Variants in NAGK observed in about 807,000 individuals in gnomAD.
NAGK encodes N-acetylglucosamine kinase, also known as N-acetyl-D-glucosamine kinase.
Under a neutral mutation model 42.9 loss-of-function variants are expected in NAGK, and 35 were observed. The ratio of observed to expected loss-of-function variants is 0.82; its 90% CI spans 0.62 to 1.08. The LOEUF (loss-of-function observed/expected upper bound fraction) is 1.08. NAGK is among the 50% of genes least tolerant of loss of function. NAGK has a pLI of 0.00. For synonymous variants in NAGK, 172 were observed against 176.0 expected (o/e 0.98, Z 0.18); for missense variants, 446 against 446.0 (o/e 1.00, Z 0.00).
chr2:71,073,316 A>G (rs1208113151), intron 5 of NAGK, 166 bp from the exon 6 acceptor site: 1 of 544,860 alleles, frequency 1.8e-6, no homozygotes, highest in Admixed American at 2.7e-5. Flanking sequence ...TTTGATAGAG[A>G]CCCTCCCACC....
intron 4 of NAGK, among the ~76,000 whole-genome samples, chr2:71,072,081 G>A (rs113738262): frequency 1.3e-5 from 2 of 152,292 alleles, no homozygotes; most frequent in African/African-American, 4.8e-5. Flanking sequence ...CCACCTGGGG[G>A]CGGTGTAGTG....
At position 71,078,237 on chromosome 2, in the gene NAGK, C is replaced by G; in HGVS notation, c.845-81C>G. On this transcript the variant is annotated intron_variant, in intron 9 of 9. Transcript: ENST00000244204. ...CTACAGGAGTACCTCAGGGTCTGGG[C>G]GTCCTTGTCTGTCTTCCTTCCTGGC... 5 of 1,412,242 alleles carry G rather than the reference C, an allele frequency of 3.5e-6. No individual in the cohort carries two copies. In the South Asian group the frequency reaches 6.0e-5, roughly 17 times the overall value. The allele number at this position is 1,412,242 out of a possible 1,614,324, so 87.5% of individuals were successfully genotyped here.
rs1238382675 is a variant in NAGK at position 71,073,612 on chromosome 2, A to G, written c.579+18A>G. 1 of 1,578,504 alleles carries G rather than the reference A, an allele frequency of 6.3e-7. No homozygotes were observed. Among genetic ancestry groups the G allele is most frequent in the East Asian group, 2.2e-5 (1 of 44,718 alleles). ...ATTTCCAGGTACTCCTCCTGCTCCC[A>G]GTAAACATGCGCACCTGGGGTAGGG... On this transcript the variant is annotated intron_variant, in intron 6 of 9. Transcript: ENST00000244204.
chr2:71,068,960 C>T, intron 1 of NAGK: 2 of 1,262,976 alleles, frequency 1.6e-6, no homozygotes, highest in Non-Finnish European at 2.0e-6. Context: ...GGAACCACGC[C>T]CCTTTCTTCC....
chr2:71,075,667 T>C (rs777015992), intron 7 of NAGK, 25 bp downstream of exon 7: 1 of 1,587,738 alleles, frequency 6.3e-7, no homozygotes, highest in South Asian at 1.1e-5. Flanking sequence ...GGGTGGGTTT[T>C]ATCTGGCTTT....
intron 7 of NAGK, chr2:71,076,350 T>G (rs1401709055): frequency 2.5e-6 from 1 of 394,584 alleles, no homozygotes; most frequent in East Asian, 5.4e-5. Flanking sequence ...TAGTGGGTGC[T>G]GCCCTCCCTT....
chr2:71,076,861 G>GTTCT (rs1260606440), intron 8 of NAGK, among the ~76,000 whole-genome samples, 160 bp downstream of exon 8: 3 of 152,132 alleles, frequency 2.0e-5, no homozygotes, highest in African/African-American at 7.2e-5. Flanking sequence ...TAACAAAAAA[G>GTTCT]TTCTTTGGTC....
At chr2:71,071,571 G>T in intron 3 of NAGK, 115 bp from the exon 4 acceptor site, 1 of 1,389,226 alleles carries the variant, frequency 7.2e-7, no homozygotes, top group South Asian at 1.5e-5. Flanking sequence ...GGGGCTGGGT[G>T]AACAGGGTAT....
Position 71,078,450 on chromosome 2 carries a change from T to A in NAGK, c.977T>A (p.Leu326His). 1.2e-6 allele frequency: 2 copies of A among 1,612,124 alleles called. No individual in the cohort carries two copies. The highest frequency in any genetic ancestry group is 8.5e-7 in the Non-Finnish European group (1 of 1,179,134). The change falls in exon 10 of 10, where the codon CTC becomes CAC. Residue 326 changes from leucine (L) to histidine (H), a missense_variant. By Grantham distance (99) the Leu-to-His change is moderately conservative. Coordinates refer to ENST00000244204, the MANE Select transcript of NAGK (RefSeq NM_017567.6). ...ASLGARHIGH[L>H]LPMDYSANAI... is the part of the protein sequence containing the mutation. The stretch of plus-strand genomic sequence containing the variant: ...CTAGGGGCCAGGCACATCGGGCACC[T>A]CCTCCCCATGGACTATAGCGCCAAT...
Position 71,073,475 on chromosome 2 carries a change from C to T in NAGK, c.467-7C>T, listed in dbSNP as rs778749837. On this transcript the variant is annotated splice_region_variant and splice_polypyrimidine_tract_variant and intron_variant, in intron 5 of 9. Coordinates refer to ENST00000244204, the MANE Select transcript of NAGK (RefSeq NM_017567.6). Reference sequence around the variant, plus strand: ...CCCATCTTCTTAGCCCTCTCTGCTCCCTGCAGCCTACTGGATCGCACACCA... The same window carrying T: ...CCCATCTTCTTAGCCCTCTCTGCTCTCTGCAGCCTACTGGATCGCACACCA... 20 of 1,605,984 alleles carry T rather than the reference C, an allele frequency of 1.2e-5. No individual in the cohort carries two copies. In the Admixed American group the frequency reaches 3.3e-4, roughly 27 times the overall value.
intron 6 of NAGK, 129 bp from the exon 7 acceptor site, chr2:71,075,426 T>C (rs1249235852): frequency 6.1e-6 from 4 of 658,444 alleles, no homozygotes; most frequent in Non-Finnish European, 1.1e-5. Flanking sequence ...CAAATCCCTG[T>C]ACTTTGGAGT....
At chr2:71,076,776 C>T (rs1349988508) in intron 8 of NAGK, 75 bp downstream of exon 8, 5 of 1,194,432 alleles carry the variant, frequency 4.2e-6, no homozygotes, top group Non-Finnish European at 6.2e-6. Context: ...ATGGGACTAT[C>T]CCATCAAACC....
chr2:71,078,349 G>C lies in NAGK; in HGVS notation c.876G>C (p.Glu292Asp), dbSNP rs1476485362. 1.2e-6 allele frequency: 2 copies of C among 1,614,056 alleles called. No individual in the cohort carries two copies. Among genetic ancestry groups the C allele is most frequent in the East Asian group, 2.2e-5 (1 of 44,898 alleles). The change falls in exon 10 of 10, where the codon GAG (glutamate) becomes GAC (aspartate). Residue 292 changes from glutamate to aspartate, a missense_variant. By Grantham distance (45) the Glu-to-Asp change is conservative (BLOSUM62 2). Transcript: ENST00000244204. ...GFLLALTQGR[E>D]IQAQNFFSSF... Reference sequence around the variant, plus strand: ...TTCTGGCGCTGACCCAGGGCAGAGAGATCCAGGCTCAGAACTTCTTCTCCA... The same window carrying C: ...TTCTGGCGCTGACCCAGGGCAGAGACATCCAGGCTCAGAACTTCTTCTCCA...
At chr2:71,071,355 C>T (rs922645122) in intron 3 of NAGK, 2 of 342,760 alleles carry the variant, frequency 5.8e-6, no homozygotes, top group Admixed American at 8.7e-5. Flanking sequence ...ACAGGCAAAC[C>T]TCGTGTATAC....
intron 7 of NAGK, 126 bp from the exon 8 acceptor site, chr2:71,076,478 T>G (rs997722861): frequency 4.3e-6 from 3 of 692,870 alleles, no homozygotes; most frequent in Non-Finnish European, 7.3e-6. Context: ...CGGGCATCCA[T>G]CCGGCAGTAG....
intron 6 of NAGK, among the ~76,000 whole-genome samples, chr2:71,074,458 A>G (rs533049996): frequency 6.6e-6 from 1 of 152,186 alleles, no homozygotes; most frequent in Non-Finnish European, 1.5e-5. Flanking sequence ...GACTCAGCCA[A>G]TTGGTTCCAA....
In NAGK at chr2:71,071,677, G is replaced by T; in HGVS notation, c.214-9G>T. On this transcript the variant is annotated splice_polypyrimidine_tract_variant and intron_variant, in intron 3 of 9. Transcript: ENST00000244204. ...CTCTGCACACTCGCTCACCTCCCGC[G>T]TGGCCTAGGGCCTATCTCTGAGCGG... is the stretch of plus-strand genomic sequence containing the variant. The T allele has an allele frequency of 1.2e-6, 2 of 1,610,096 alleles. No individual in the cohort carries two copies. The highest frequency in any genetic ancestry group is 1.7e-6 in the Non-Finnish European group (2 of 1,178,378).
At chr2:71,075,696 G>GA (rs1672185067) in intron 7 of NAGK, 54 bp downstream of exon 7, 14 of 1,518,884 alleles carry the variant, frequency 9.2e-6, no homozygotes, top group Non-Finnish European at 1.3e-5. Context: ...AAGATCCCCA[G>GA]TTGGGAGATT....
In NAGK at chr2:71,070,768, AGGATCAATGAGAT is replaced by A; in HGVS notation, c.145_157del (p.Ile49Ter). 6.2e-7 allele frequency: 1 copy of A among 1,614,146 alleles called. No individual in the cohort carries two copies. On this transcript the variant is annotated frameshift_variant, in exon 3 of 10. Transcript: ENST00000244204. LOFTEE classifies it high-confidence loss of function. Reference sequence around the variant, plus strand: ...GATCGGGACAGACAAGTGTGTGGAGAGGATCAATGAGATGGTGAACAGGGCCAAACGGAAAGCA... The same window carrying A: ...GATCGGGACAGACAAGTGTGTGGAGAGGTGAACAGGGCCAAACGGAAAGCA...
Sources: gnomAD v4.1 joint callset for allele counts (sites outside exome capture counted in the v4.1 genomes callset) on GRCh38, gnomAD v4.1.1 for gene constraint, MANE v1.5 for transcripts, NCBI Gene and HGNC (gene_info 2026-07-23, HGNC 2026-07-21) for gene names.